AP3D1: variants seen among roughly 807,000 people sequenced by gnomAD.
AP3D1 encodes adaptor related protein complex 3 subunit delta 1.
In AP3D1, 51 loss-of-function variants were observed where a neutral mutation model predicts 147.6. The observed-to-expected ratio is 0.35, with a 90% CI of 0.28 to 0.44. AP3D1 has a LOEUF of 0.44. Among genes scored for constraint, AP3D1 ranks in the 20% least tolerant of loss-of-function variants. The probability of loss-of-function intolerance (pLI) is 1.00; values close to 1 mark genes in which losing one functional copy is unlikely to be tolerated. For missense variants in AP3D1, 1,421 were observed against 1,624.2 expected (o/e 0.87, Z 2.15); for synonymous variants, 760 against 663.0 (o/e 1.15, Z -2.25).
chr19:2,119,672 G>A (rs188821957), intron 14 of AP3D1, among the ~76,000 whole-genome samples: 27 of 105,224 alleles, frequency 2.6e-4, no homozygotes, highest in East Asian at 1.5e-3. Flanking sequence ...CTCCAGCCTG[G>A]AAAACAGATA....
At chr19:2,118,563 C>T (rs199846169) in intron 15 of AP3D1, 38 bp downstream of exon 15, 3 of 1,576,498 alleles carry the variant, frequency 1.9e-6, no homozygotes, top group Admixed American at 1.7e-5. Context: ...ACTGAGGGCT[C>T]CCTGAGGCTC....
rs547615238 is a variant in AP3D1, at chr19:2,151,406, C to T, written c.-72G>A. ...CCGTGAGGGGGCCCGGGGCCCGTGC[C>T]TGCCGCCCGCGGAGCGCCGCGCTGC... On this transcript the variant is annotated 5_prime_UTR_variant, in exon 1 of 32. Transcript: ENST00000643116. 5 of 1,030,746 alleles carry T rather than the reference C, an allele frequency of 4.9e-6. No homozygotes were observed. Among genetic ancestry groups the T allele is most frequent in the East Asian group, 9.1e-5 (2 of 21,962 alleles). The allele number at this position is 1,030,746 out of a possible 1,614,324, so 63.9% of individuals were successfully genotyped here. A position where few individuals can be genotyped will look rare whatever the true frequency, so the allele number is the denominator to read the frequency against.
intron 1 of AP3D1, among the ~76,000 whole-genome samples, chr19:2,150,880 G>A (rs1243801277): frequency 2.6e-5 from 4 of 152,218 alleles, no homozygotes; most frequent in Admixed American, 6.5e-5. Flanking sequence ...CGAGACGGGG[G>A]CAGGTGGGCC....
chr19:2,146,890 G>A (rs2019370309), intron 1 of AP3D1, among the ~76,000 whole-genome samples: 1 of 152,212 alleles, frequency 6.6e-6, no homozygotes, highest in South Asian at 2.1e-4. Context: ...CATGACCAGA[G>A]GAGCCCCTGG....
In AP3D1 at chr19:2,151,405, C is replaced by T; in HGVS notation, c.-71G>A. On this transcript the variant is annotated 5_prime_UTR_variant, in exon 1 of 32. Coordinates refer to ENST00000643116, the MANE Select transcript of AP3D1 (RefSeq NM_001261826.3). ...GCCGTGAGGGGGCCCGGGGCCCGTG[C>T]CTGCCGCCCGCGGAGCGCCGCGCTG... 1 of 1,046,746 alleles carries T rather than the reference C, an allele frequency of 9.6e-7. No individual in the cohort carries two copies. The highest frequency in any genetic ancestry group is 1.2e-6 in the Non-Finnish European group (1 of 830,142). 64.8% of individuals were successfully genotyped at this position (1,046,746 alleles called of 1,614,324 possible).
chr19:2,145,673 T>C (rs576169562), intron 1 of AP3D1, among the ~76,000 whole-genome samples: 1 of 152,090 alleles, frequency 6.6e-6, no homozygotes, highest in East Asian at 1.9e-4. Context: ...CAAGTGAGCA[T>C]CACCCAGAAG....
At chr19:2,118,409 G>A (rs1043332574) in intron 15 of AP3D1, among the ~76,000 whole-genome samples, 192 bp downstream of exon 15, 1 of 152,168 alleles carries the variant, frequency 6.6e-6, no homozygotes, top group Non-Finnish European at 1.5e-5. Flanking sequence ...TCCTACTGAC[G>A]GATCCCCCGT....
chr19:2,148,248 G>A (rs1408682975), intron 1 of AP3D1, among the ~76,000 whole-genome samples: 1 of 151,784 alleles, frequency 6.6e-6, no homozygotes, highest in African/African-American at 2.4e-5. Flanking sequence ...TGTTTTTTGT[G>A]CCAATTCTAT....
chr19:2,126,082 G>A (rs528671168), intron 9 of AP3D1, among the ~76,000 whole-genome samples: 4 of 150,168 alleles, frequency 2.7e-5, no homozygotes, highest in South Asian at 2.1e-4. Flanking sequence ...AGCTATGATC[G>A]CACCACTGCA....
rs1568267756 is a variant in AP3D1, at chr19:2,101,058, C to CG, written c.*1114_*1115insC. The CG allele has an allele frequency of 2.0e-5, 3 of 152,554 alleles. No homozygotes were observed. The highest frequency in any genetic ancestry group is 4.8e-5 in the African/African-American group (2 of 41,452). 9.5% of individuals were successfully genotyped at this position (152,554 alleles called of 1,614,324 possible). On this transcript the variant is annotated 3_prime_UTR_variant, in exon 32 of 32. Coordinates refer to ENST00000643116, the MANE Select transcript of AP3D1 (RefSeq NM_001261826.3). Reference sequence around the variant, plus strand: ...ATCATGACAGCAGCGTGATATGTCTCTCTCTTTATACGGGAATGTCGATAG... The same window carrying CG: ...ATCATGACAGCAGCGTGATATGTCTCGTCTCTTTATACGGGAATGTCGATAG...
intron 29 of AP3D1, chr19:2,109,427 G>C: frequency 1.7e-6 from 1 of 580,300 alleles, no homozygotes; most frequent in South Asian, 2.5e-5. Flanking sequence ...AGGTCACAGA[G>C]GTGCCTGAAG....
chr19:2,118,844 A>G lies in AP3D1; in HGVS notation c.1482-12T>C, dbSNP rs1465701540. 1 of 1,608,884 alleles carries G rather than the reference A, an allele frequency of 6.2e-7. No homozygotes were observed. The highest frequency in any genetic ancestry group is 8.5e-7 in the Non-Finnish European group (1 of 1,176,880). On this transcript the variant is annotated splice_polypyrimidine_tract_variant and intron_variant, in intron 14 of 31. Transcript: ENST00000643116. ...GTTCCTGCAGATGCCTGAGGACAGG[A>G]AACACTGTGAGCCCCCAGGATGCCA...
At chr19:2,160,011 T>TG (rs1308240855) in intron 1 of AP3D1, among the ~76,000 whole-genome samples, 1 of 149,280 alleles carries the variant, frequency 6.7e-6, no homozygotes, top group Admixed American at 6.7e-5. Context: ...CCACTGCGCC[T>TG]GGCCATTTTG....
At chr19:2,143,274 T>G (rs1396330895) in intron 1 of AP3D1, among the ~76,000 whole-genome samples, 1 of 131,134 alleles carries the variant, frequency 7.6e-6, no homozygotes, top group Non-Finnish European at 1.6e-5. Context: ...AGAGTCCTGC[T>G]CTGTCGCCCA....
At position 2,101,986 on chromosome 19, in the gene AP3D1, T is replaced by G; in HGVS notation, c.*187A>C. 1.7e-6 allele frequency: 1 copy of G among 573,920 alleles called. No homozygotes were observed. Among genetic ancestry groups the G allele is most frequent in the Non-Finnish European group, 3.1e-6 (1 of 325,792 alleles). The allele number at this position is 573,920 out of a possible 1,614,324, so 35.6% of individuals were successfully genotyped here. On this transcript the variant is annotated 3_prime_UTR_variant, in exon 32 of 32. Coordinates refer to ENST00000643116, the MANE Select transcript of AP3D1 (RefSeq NM_001261826.3). ...CCAAAGAGAATGGGAAGAGTCACAG[T>G]AAAAAAGGATGGTCAGATAATTCAA...
rs771037677 is a variant in AP3D1 at position 2,111,839 on chromosome 19, A to C, written c.2788-11T>G. 21 of 1,613,382 alleles carry C rather than the reference A, an allele frequency of 1.3e-5. 2 individuals are homozygous for C. In the South Asian group the frequency reaches 2.3e-4, roughly 18 times the overall value. ...AGGCTTGGGAGATTTCTGGAGCAAG[A>C]GGAGGGTCGGGTTCAGTGCCCAGGC... is the stretch of plus-strand genomic sequence containing the variant. On this transcript the variant is annotated splice_polypyrimidine_tract_variant and intron_variant, in intron 24 of 31. Coordinates refer to ENST00000643116, the MANE Select transcript of AP3D1 (RefSeq NM_001261826.3).
Position 2,123,820 on chromosome 19 carries a change from C to T in AP3D1, c.906+10G>A, listed in dbSNP as rs757543368. On this transcript the variant is annotated intron_variant, in intron 10 of 31. Transcript: ENST00000643116. ...GGGACCCCATGGGCCCCGCCCAGTG[C>T]GGGACGTACCTGGATGCTGGCGCTG... The T allele has an allele frequency of 2.2e-5, 35 of 1,567,044 alleles. No individual in the cohort carries two copies. The highest frequency in any genetic ancestry group is 9.5e-5 in the East Asian group (4 of 41,894).
At chr19:2,129,543 T>C (rs558823738) in intron 6 of AP3D1, 86 bp from the exon 7 acceptor site, 114 of 1,483,340 alleles carry the variant, frequency 7.7e-5, no homozygotes, top group Non-Finnish European at 9.7e-5. Flanking sequence ...GAGGAAGTTC[T>C]GGGGCCTGCA....
chr19:2,110,895 G>A lies in AP3D1; in HGVS notation c.2987C>T (p.Thr996Ile), dbSNP rs896475933. 12 of 1,612,650 alleles carry A rather than the reference G, an allele frequency of 7.4e-6. No homozygotes were observed. The highest frequency in any genetic ancestry group is 1.0e-5 in the Non-Finnish European group (12 of 1,179,862). The change falls in exon 27 of 32, where the codon ACC becomes ATC. Residue 996 changes from threonine (T) to isoleucine (I), a missense_variant and splice_region_variant. Physicochemically the swap from Thr to Ile is moderately conservative, Grantham distance 89 (BLOSUM62 -1). Transcript: ENST00000643116. ...CTGCAGACTGCCCCGGATGTCACAG[G>A]TCTGCAGGGCATGGCCAGTGTTAGC... ...LLAENSYVKM[T>I]CDIRGSLQED...
Sources: allele counts gnomAD v4.1 joint callset (sites outside exome capture counted in the v4.1 genomes callset), GRCh38; gene constraint gnomAD v4.1.1; transcripts MANE v1.5; gene names NCBI Gene and HGNC (gene_info 2026-07-23, HGNC 2026-07-21).